Variants in ITGAE observed in about 807,000 individuals in gnomAD.
ITGAE encodes the protein integrin alpha-E.
In ITGAE, 99 loss-of-function variants were observed where a neutral mutation model predicts 136.5. The observed-to-expected ratio is 0.73, with a 90% confidence interval of 0.62 to 0.86. The LOEUF is 0.86. ITGAE is among the 40% of genes least tolerant of loss of function. ITGAE has a pLI of 0.00. For missense variants in ITGAE, 1,447 were observed against 1,515.3 expected, an observed-to-expected ratio of 0.95 and a Z score of 0.75; for synonymous variants, 613 against 591.8, an observed-to-expected ratio of 1.04 and a Z score of -0.52.
At chr17:3,725,115 A>C in intron 26 of ITGAE, 1 of 1,614,214 alleles carries the variant, frequency 6.2e-7, no homozygotes, top group Non-Finnish European at 8.5e-7. Flanking sequence ...CCACAAGAAG[A>C]AAATTGTGAC....
chr17:3,750,261 C>G, intron 16 of ITGAE, 91 bp downstream of exon 16: 3 of 1,528,494 alleles, frequency 2.0e-6, no homozygotes, highest in Non-Finnish European at 2.6e-6. Context: ...GGCTCCCTCC[C>G]TCAGTGCCTA....
chr17:3,760,329 G>A, intron 6 of ITGAE, 42 bp from the exon 7 acceptor site: 1 of 1,233,708 alleles, frequency 8.1e-7, no homozygotes, highest in Non-Finnish European at 1.2e-6. Flanking sequence ...TGGGATGTGA[G>A]GCAGATGTAA....
At chr17:3,783,079 T>G (rs1362342306) in intron 1 of ITGAE, among the ~76,000 whole-genome samples, 2 of 152,212 alleles carry the variant, frequency 1.3e-5, no homozygotes, top group Non-Finnish European at 2.9e-5. Flanking sequence ...GGAAGTGCTT[T>G]TGGGTTCAGT....
At chr17:3,723,924 C>G (rs986285929) in intron 26 of ITGAE, 180 bp from the exon 27 acceptor site, 1 of 1,542,302 alleles carries the variant, frequency 6.5e-7, no homozygotes, top group African/African-American at 1.4e-5. Context: ...AACCTCTTGG[C>G]GGGTGCCGGC....
chr17:3,792,406 C>T (rs974606032), intron 1 of ITGAE, among the ~76,000 whole-genome samples: 4 of 152,210 alleles, frequency 2.6e-5, no homozygotes, highest in East Asian at 1.9e-4. Flanking sequence ...CGTGAGCCAC[C>T]GCGCCCGGCC....
chr17:3,769,174 GTCTC>G (rs747509969), intron 2 of ITGAE, among the ~76,000 whole-genome samples: 1 of 152,066 alleles, frequency 6.6e-6, no homozygotes, highest in Non-Finnish European at 1.5e-5. Flanking sequence ...CCCGCCTCCA[GTCTC>G]TCTCCTCCTC....
At chr17:3,794,538 G>A (rs1337824600) in intron 1 of ITGAE, among the ~76,000 whole-genome samples, 2 of 152,276 alleles carry the variant, frequency 1.3e-5, no homozygotes, top group Admixed American at 6.5e-5. Flanking sequence ...GCCCACCCTC[G>A]GTAGGTGCTG....
Position 3,728,213 on chromosome 17 carries a change from C to T in ITGAE, c.2913-45G>A, listed in dbSNP as rs369427352. The T allele has an allele frequency of 6.8e-6, 10 of 1,471,416 alleles. No individual in the cohort carries two copies. The African/African-American group carries it at 1.4e-4, about 21-fold the overall frequency. 91.1% of individuals were successfully genotyped at this position (1,471,416 alleles called of 1,614,324 possible). On this transcript the variant is annotated intron_variant, in intron 24 of 30. Coordinates refer to ENST00000263087, the MANE Select transcript of ITGAE (RefSeq NM_002208.5). ...CGTCAGCCCTTGAGGAGTCTTTCTC[C>T]CTTTTTTGGAGACAGGGTCTCACTC...
intron 1 of ITGAE, among the ~76,000 whole-genome samples, chr17:3,794,170 G>C (rs1341814615): frequency 1.3e-5 from 2 of 151,644 alleles, no homozygotes; most frequent in African/African-American, 4.8e-5. Context: ...GTAGAGACGG[G>C]GTTTTGCCAT....
At chr17:3,797,143 ATATATATATATATATTTT>A (rs1236474521) in intron 1 of ITGAE, among the ~76,000 whole-genome samples, 760 of 40,918 alleles carry the variant, frequency 0.019, 26 homozygotes, top group African/African-American at 0.049. Context: ...GAAACTAAAT[ATATATATATATATATTTT>A]TTTTTTTTTT....
rs1032532361 is a variant in ITGAE at position 3,755,966 on chromosome 17, G to A, written c.1172-69C>T. On this transcript the variant is annotated intron_variant, in intron 10 of 30. Transcript: ENST00000263087. ...AAGGGAGAAACTGAGTCAGGGGACA[G>A]TCCAGCTTGGCCTCACTCCCAGAAG... is the stretch of plus-strand genomic sequence containing the variant. 2.7e-6 allele frequency: 4 copies of A among 1,466,328 alleles called. No individual in the cohort carries two copies. In the African/African-American group the frequency reaches 5.6e-5, roughly 21 times the overall value. 90.8% of individuals were successfully genotyped at this position (1,466,328 alleles called of 1,614,324 possible).
Position 3,753,428 on chromosome 17 carries a change from C to A in ITGAE, c.1530G>T (p.Met510Ile). The A allele has an allele frequency of 6.2e-7, 1 of 1,613,576 alleles. No homozygotes were observed. Among genetic ancestry groups the A allele is most frequent in the Non-Finnish European group, 8.5e-7 (1 of 1,179,578 alleles). ...ACAGCTCAGAGCCAAAATAGGACCC[C>A]ATCTACAGCCCGGGAGGAACTCAGC... Reference protein sequence around the residue: ...SFLPVLEGEQMGSYFGSELCP... With the variant: ...SFLPVLEGEQIGSYFGSELCP... Residue 510 changes from methionine to isoleucine, a missense_variant and splice_region_variant, in exon 14 of 31, where the codon ATG becomes ATT. Coordinates refer to ENST00000263087, the MANE Select transcript of ITGAE (RefSeq NM_002208.5).
rs185314114 is a variant in ITGAE, at chr17:3,789,895, G to T, written c.34+11216C>A. ...AAATTATTACTAATAAATGTAGGAAGAATAATAGAACCAAACTATTTTGTG... is the reference window on the plus strand; with the variant it reads ...AAATTATTACTAATAAATGTAGGAATAATAATAGAACCAAACTATTTTGTG... On this transcript the variant is annotated intron_variant, in intron 1 of 30. Coordinates refer to ENST00000263087, the MANE Select transcript of ITGAE (RefSeq NM_002208.5). 1.3e-3 allele frequency among the ~76,000 whole-genome samples: 195 copies of T among 152,280 alleles called. 3 individuals are homozygous for T. In the South Asian group the frequency reaches 0.014, roughly 11 times the overall value.
At chr17:3,740,006 G>A in intron 19 of ITGAE, 128 bp from the exon 20 acceptor site, 2 of 717,664 alleles carry the variant, frequency 2.8e-6, no homozygotes, top group South Asian at 3.0e-5. Flanking sequence ...GCAGTTACAG[G>A]GAGGTGAGGG....
chr17:3,757,598 C>G, intron 9 of ITGAE, 108 bp downstream of exon 9: 3 of 1,185,632 alleles, frequency 2.5e-6, no homozygotes, highest in South Asian at 1.4e-5. Context: ...GCAAATAGAA[C>G]AGGGTCTGGA....
intron 1 of ITGAE, among the ~76,000 whole-genome samples, chr17:3,794,855 C>T (rs1430426778): frequency 1.3e-5 from 2 of 152,140 alleles, no homozygotes; most frequent in African/African-American, 2.4e-5. Context: ...GTTTCACTGT[C>T]GGTATAACTG....
intron 8 of ITGAE, 37 bp downstream of exon 8, chr17:3,759,365 G>A: frequency 1.9e-6 from 3 of 1,600,752 alleles, no homozygotes; most frequent in Non-Finnish European, 2.6e-6. Flanking sequence ...GAGACTCTGG[G>A]CATGGCCAGA....
intron 2 of ITGAE, among the ~76,000 whole-genome samples, chr17:3,773,735 C>A (rs1351359223): frequency 3.9e-5 from 6 of 152,062 alleles, no homozygotes; most frequent in Non-Finnish European, 8.8e-5. Context: ...AACCTTCAGC[C>A]CTTCTCTCCC....
intron 12 of ITGAE, among the ~76,000 whole-genome samples, 178 bp downstream of exon 12, chr17:3,754,939 C>T (rs1258834802): frequency 0.028 from 3,442 of 124,014 alleles, 160 homozygotes; most frequent in African/African-American, 0.063. Context: ...CCAGGCCCCA[C>T]CCTCGCCCAG....
Sources: allele counts gnomAD v4.1 joint callset (sites outside exome capture counted in the v4.1 genomes callset), GRCh38; gene constraint gnomAD v4.1.1; transcripts MANE v1.5; gene names NCBI Gene and HGNC (gene_info 2026-07-23, HGNC 2026-07-21).